The following CASC3 variants were observed in gnomAD, a reference collection of about 807,000 sequenced individuals.
CASC3 encodes the protein CASC3 exon junction complex subunit.
CASC3 carries 30 observed loss-of-function variants against 80.5 expected under a neutral mutation model. The ratio of observed to expected loss-of-function variants is 0.37; its 90% CI spans 0.28 to 0.51. CASC3 has a LOEUF of 0.51. Among genes scored for constraint, CASC3 ranks in the 20% least tolerant of loss-of-function variants. The pLI is 0.94. For missense variants in CASC3, 824 were observed against 922.2 expected (o/e 0.89, Z 1.38); for synonymous variants, 312 against 333.6 (o/e 0.94, Z 0.70).
chr17:40,158,167 C>T (rs952012325), intron 3 of CASC3, among the ~76,000 whole-genome samples: 5 of 152,182 alleles, frequency 3.3e-5, no homozygotes, highest in Non-Finnish European at 7.3e-5. Context: ...GATTAATTGG[C>T]TTGTCTGGGC....
chr17:40,141,702 T>C (rs1004130990), intron 3 of CASC3, 95 bp downstream of exon 3: 2 of 908,442 alleles, frequency 2.2e-6, no homozygotes, highest in African/African-American at 3.3e-5. Context: ...GACCTCCGTG[T>C]TTATCCTCTT....
chr17:40,167,694 C>T, intron 9 of CASC3, 82 bp downstream of exon 9: 1 of 1,256,424 alleles, frequency 8.0e-7, no homozygotes, highest in East Asian at 2.3e-5. Context: ...TCCTGAATTT[C>T]TCTTCTGACC....
chr17:40,167,185 T>C (rs916878043), intron 8 of CASC3: 3 of 505,800 alleles, frequency 5.9e-6, no homozygotes, highest in Non-Finnish European at 1.0e-5. Flanking sequence ...TGGTCCTGAC[T>C]CCTGACCTCA....
chr17:40,144,393 A>G (rs909772892), intron 3 of CASC3, among the ~76,000 whole-genome samples: 7 of 150,570 alleles, frequency 4.6e-5, no homozygotes, highest in African/African-American at 1.7e-4. Context: ...AACCCAGGCA[A>G]GAGTGCAGTG....
At chr17:40,142,326 A>C (rs939846003) in intron 3 of CASC3, among the ~76,000 whole-genome samples, 6 of 152,232 alleles carry the variant, frequency 3.9e-5, no homozygotes, top group Admixed American at 3.9e-4. Flanking sequence ...ACAAACATTC[A>C]AGCAATTGTA....
intron 3 of CASC3, among the ~76,000 whole-genome samples, chr17:40,150,407 A>AGTGT (rs942164271): frequency 1.0e-5 from 1 of 97,712 alleles, no homozygotes; most frequent in African/African-American, 4.1e-5. Context: ...AAAAAGTAAG[A>AGTGT]GTGTGTGCGT....
At position 40,164,591 on chromosome 17, in the gene CASC3, C is replaced by T. The variant is rs115831043; in HGVS notation, c.1471+425C>T. On this transcript the variant is annotated intron_variant, in intron 7 of 13. Transcript: ENST00000264645. ...CCTCCCGAGTAGCTGGGAGTATAGG[C>T]GTGCACTACCACGCTGGGCTAATTT... Among the ~76,000 whole-genome samples the T allele has an allele frequency of 6.3e-3, 956 of 151,676 alleles. 12 individuals carry two copies. The highest frequency in any genetic ancestry group is 0.022 in the African/African-American group (913 of 41,300).
At chr17:40,158,120 A>G (rs1304248264) in intron 3 of CASC3, among the ~76,000 whole-genome samples, 2 of 152,230 alleles carry the variant, frequency 1.3e-5, no homozygotes, top group Non-Finnish European at 2.9e-5. Context: ...AGCGTCAACT[A>G]TACCCAGATG....
Position 40,140,651 on chromosome 17 carries a change from A to G in CASC3, c.103A>G (p.Ser35Gly), listed in dbSNP as rs2145146933. Residue 35 changes from serine to glycine, a missense_variant, in exon 1 of 14, where the codon AGC (serine) becomes GGC (glycine). Physicochemically the swap from Ser to Gly is moderately conservative, Grantham distance 56 (BLOSUM62 0). Transcript: ENST00000264645. Reference sequence around the variant, plus strand: ...CGGCTCCCCGTTGCGGGGAGGCGGGAGCTGCAGCGGTAGCGCCGGAGGCGG... The same window carrying G: ...CGGCTCCCCGTTGCGGGGAGGCGGGGGCTGCAGCGGTAGCGCCGGAGGCGG... ...SGGSPLRGGG[S>G]CSGSAGGGGS... 1 of 1,606,862 alleles carries G rather than the reference A, an allele frequency of 6.2e-7. No individual in the cohort carries two copies. Among genetic ancestry groups the G allele is most frequent in the Non-Finnish European group, 8.5e-7 (1 of 1,178,360 alleles).
At chr17:40,165,751 GT>G (rs981837728) in intron 7 of CASC3, among the ~76,000 whole-genome samples, 38 of 136,742 alleles carry the variant, frequency 2.8e-4, no homozygotes, top group South Asian at 1.6e-3. Context: ...CATAGATATA[GT>G]TTTTTTTTTT....
chr17:40,140,770 G>C lies in CASC3; in HGVS notation c.222G>C (p.Glu74Asp). Residue 74 changes from glutamate to aspartate, a missense_variant, in exon 1 of 14, where the codon GAG (glutamate) becomes GAC (aspartate). This residue lies in a region of CASC3 where 159 missense variants were observed against 122.2 expected (regional missense o/e 1.30). Transcript: ENST00000264645. The stretch of plus-strand genomic sequence containing the variant: ...GCGGGGGCGCCAAGAGTGCTGAGGA[G>C]TCGGAGTGTGTGAGTGCGCGCAGGC... ...VESGGAKSAE[E>D]SECESEDGIE... is the part of the protein sequence containing the mutation. 6.7e-7 allele frequency: 1 copy of C among 1,489,160 alleles called. No individual in the cohort carries two copies. The highest frequency in any genetic ancestry group is 1.3e-5 in the South Asian group (1 of 74,472). 92.2% of individuals were successfully genotyped at this position (1,489,160 alleles called of 1,614,324 possible). A position where few individuals can be genotyped will look rare whatever the true frequency, so the allele number is the denominator to read the frequency against.
Position 40,169,778 on chromosome 17 carries a change from C to T in CASC3, c.*41+116C>T, listed in dbSNP as rs1381066392. On this transcript the variant is annotated intron_variant, in intron 13 of 13. Coordinates refer to ENST00000264645, the MANE Select transcript of CASC3 (RefSeq NM_007359.5). ...TTTTTTTTTTTTTTTTTTTTTGAGA[C>T]GGCGTCTCAGTCTGTTATCCAGGCT... 1.0e-5 allele frequency: 5 copies of T among 477,960 alleles called. No individual in the cohort carries two copies. In the African/African-American group the frequency reaches 1.1e-4, roughly 11 times the overall value. 29.6% of individuals were successfully genotyped at this position (477,960 alleles called of 1,614,324 possible). A position where few individuals can be genotyped will look rare whatever the true frequency, so the allele number is the denominator to read the frequency against.
In CASC3 at chr17:40,171,929, T is replaced by C. The variant is rs1247093749; in HGVS notation, c.*1524T>C. The C allele has an allele frequency of 3.2e-6, 4 of 1,268,190 alleles. No individual in the cohort carries two copies. Among genetic ancestry groups the C allele is most frequent in the African/African-American group, 1.5e-5 (1 of 64,848 alleles). 78.6% of individuals were successfully genotyped at this position (1,268,190 alleles called of 1,614,324 possible). ...AAGAGATTCTTCTAGGGGTAGCTGG[T>C]GGTTGTGCCTTTTGTAGGCTGTTCC... is the stretch of plus-strand genomic sequence containing the variant. On this transcript the variant is annotated 3_prime_UTR_variant, in exon 14 of 14. Transcript: ENST00000264645.
rs145302427 is a variant in CASC3, at chr17:40,153,282, C to T, written c.298-8471C>T. On this transcript the variant is annotated intron_variant, in intron 3 of 13. Coordinates refer to ENST00000264645, the MANE Select transcript of CASC3 (RefSeq NM_007359.5). ...TAGCTTATTTTACTTAGCATAGTTC[C>T]GTCTAGGTTCATCCATTTGTTGTCA... 4.1e-3 allele frequency among the ~76,000 whole-genome samples: 624 copies of T among 152,174 alleles called. 2 individuals are homozygous for T. The highest frequency in any genetic ancestry group is 0.014 in the African/African-American group (578 of 41,540).
At chr17:40,150,779 A>C (rs923060709) in intron 3 of CASC3, among the ~76,000 whole-genome samples, 9 of 152,102 alleles carry the variant, frequency 5.9e-5, no homozygotes, top group Non-Finnish European at 1.2e-4. Flanking sequence ...TTGGGAGGCT[A>C]AGGCAGGCAG....
chr17:40,159,682 C>CTA (rs1417295388), intron 3 of CASC3, among the ~76,000 whole-genome samples: 2 of 144,022 alleles, frequency 1.4e-5, no homozygotes, highest in East Asian at 4.1e-4. Flanking sequence ...GTTGCTGGGA[C>CTA]TATAGGCGCA....
At position 40,145,096 on chromosome 17, in the gene CASC3, G is replaced by A. The variant is rs552651056; in HGVS notation, c.297+3489G>A. On this transcript the variant is annotated intron_variant, in intron 3 of 13. Coordinates refer to ENST00000264645, the MANE Select transcript of CASC3 (RefSeq NM_007359.5). ...AGCTGGTCTCGAACTCCTGACCTCA[G>A]GTGACCCACCCACCTCGGCCTCCCA... 8.6e-5 allele frequency among the ~76,000 whole-genome samples: 13 copies of A among 151,324 alleles called. No individual in the cohort carries two copies. The South Asian group carries it at 2.3e-3, about 27-fold the overall frequency.
chr17:40,158,380 A>G (rs1474807065), intron 3 of CASC3, among the ~76,000 whole-genome samples: 2 of 152,178 alleles, frequency 1.3e-5, no homozygotes, highest in African/African-American at 4.8e-5. Context: ...ACATACATCT[A>G]CCAGGTTTCA....
chr17:40,144,861 G>T (rs144521793), intron 3 of CASC3, among the ~76,000 whole-genome samples: 49 of 132,486 alleles, frequency 3.7e-4, no homozygotes, highest in African/African-American at 1.2e-3. Flanking sequence ...AAAAAATTAA[G>T]TTTTTTTTTT....
Sources: allele counts gnomAD v4.1 joint callset (sites outside exome capture counted in the v4.1 genomes callset), GRCh38; gene constraint gnomAD v4.1.1; regional missense constraint gnomAD v4.1.1; transcripts MANE v1.5; gene names NCBI Gene and HGNC (gene_info 2026-07-23, HGNC 2026-07-21).